MTCL2: variants seen among roughly 807,000 people sequenced by gnomAD.
The protein encoded by MTCL2 is microtubule cross-linking factor 2.
At chr20:36,786,654 A>C in the MTCL2 span, 1 of 1,544,350 alleles carries the variant, frequency 6.5e-7, no homozygotes, top group Non-Finnish European at 8.7e-7. Context: ...AGAGGGAGGC[A>C]GGGAGGCAGG....
At chr20:36,812,616 C>T in the MTCL2 span, 2 of 1,528,600 alleles carry the variant, frequency 1.3e-6, no homozygotes, top group Non-Finnish European at 1.8e-6. Context: ...TCCTCACCAG[C>T]TAAGTGATAT....
the MTCL2 span, chr20:36,781,033 G>A: frequency 6.6e-6 from 1 of 152,152 alleles, no homozygotes; most frequent in Non-Finnish European, 1.5e-5. Context: ...GCATGATTAT[G>A]GGAATTACAC....
the MTCL2 span, chr20:36,829,135 C>T: frequency 3.1e-6 from 5 of 1,596,584 alleles, no homozygotes; most frequent in East Asian, 9.1e-5. Context: ...GCTCTTCGTT[C>T]TCCTCCTCCA....
chr20:36,862,647 G>A, the MTCL2 span: 10 of 1,491,548 alleles, frequency 6.7e-6, no homozygotes, highest in Non-Finnish European at 8.9e-6. Context: ...TTTCTACCCG[G>A]GCGCCCCCAC....
chr20:36,859,720 G>A, the MTCL2 span: 1 of 1,231,760 alleles, frequency 8.1e-7, no homozygotes, highest in Non-Finnish European at 1.0e-6. Context: ...CTACAAGGGG[G>A]AGGTAAGCCT....
At chr20:36,832,268 A>G in the MTCL2 span, among the ~76,000 whole-genome samples, 1 of 152,138 alleles carries the variant, frequency 6.6e-6, no homozygotes. Flanking sequence ...GGCTGGGGTG[A>G]GGGCTCCTCT....
the MTCL2 span, among the ~76,000 whole-genome samples, chr20:36,852,625 G>A: frequency 6.6e-6 from 1 of 152,194 alleles, no homozygotes; most frequent in Non-Finnish European, 1.5e-5. Context: ...AAGGACAGGG[G>A]ACAATCCCAC....
chr20:36,858,992 C>T, the MTCL2 span, among the ~76,000 whole-genome samples: 1 of 152,112 alleles, frequency 6.6e-6, no homozygotes, highest in African/African-American at 2.4e-5. Flanking sequence ...GGTTTCGCCA[C>T]GTTGGCCAGA....
the MTCL2 span, chr20:36,839,074 C>G: frequency 1.4e-6 from 1 of 696,914 alleles, no homozygotes; most frequent in Non-Finnish European, 2.4e-6. The surrounding 1 kb of genome is among the most constrained non-coding windows in gnomAD (Gnocchi z 5.1). Flanking sequence ...ACCAGGAATT[C>G]CTACTTAGAT....
the MTCL2 span, among the ~76,000 whole-genome samples, chr20:36,841,871 TGGG>T: frequency 1.9e-5 from 2 of 105,686 alleles, no homozygotes; most frequent in African/African-American, 7.3e-5. Context: ...GGGTGGGGGG[TGGG>T]GTGTGTGTGT....
chr20:36,797,454 T>C, the MTCL2 span: 30 of 1,543,176 alleles, frequency 1.9e-5, no homozygotes, highest in Non-Finnish European at 2.5e-5. Flanking sequence ...GGGACCTTTA[T>C]GGTGCAGCCA....
the MTCL2 span, chr20:36,863,179 G>A: frequency 1.6e-6 from 2 of 1,269,288 alleles, no homozygotes; most frequent in African/African-American, 1.6e-5. The surrounding 1 kb of genome is among the most constrained non-coding windows in gnomAD (Gnocchi z 6.2). Context: ...GCTGAGCCCG[G>A]GCCTGGGCCG....
chr20:36,846,464 C>A, the MTCL2 span, among the ~76,000 whole-genome samples: 465 of 152,304 alleles, frequency 3.1e-3, 1 homozygote, highest in African/African-American at 0.011. Context: ...GACCAGGGCA[C>A]CCACACTGCT....
chr20:36,830,346 G>A, the MTCL2 span, among the ~76,000 whole-genome samples: 3 of 152,072 alleles, frequency 2.0e-5, no homozygotes, highest in African/African-American at 7.2e-5. Context: ...CAGGGGGATC[G>A]CTTGAGCCCA....
chr20:36,791,475 G>A, the MTCL2 span, among the ~76,000 whole-genome samples: 22 of 152,114 alleles, frequency 1.4e-4, no homozygotes, highest in Admixed American at 6.6e-5. Flanking sequence ...CCACCTAAAC[G>A]TACAATAATA....
the MTCL2 span, among the ~76,000 whole-genome samples, chr20:36,861,709 A>G: frequency 6.6e-6 from 1 of 152,130 alleles, no homozygotes; most frequent in Non-Finnish European, 1.5e-5. Flanking sequence ...AGGAGAGCTC[A>G]GGAAGCTTCC....
the MTCL2 span, chr20:36,808,479 A>T: frequency 4.5e-6 from 7 of 1,546,320 alleles, no homozygotes; most frequent in East Asian, 1.2e-4. Flanking sequence ...TCCCCAGCCC[A>T]CACTCCCAGT....
the MTCL2 span, among the ~76,000 whole-genome samples, chr20:36,851,033 G>A: frequency 9.9e-5 from 15 of 152,242 alleles, no homozygotes; most frequent in Middle Eastern, 3.4e-3. Flanking sequence ...AAACAGTCCC[G>A]GTGGTTGTCA....
the MTCL2 span, among the ~76,000 whole-genome samples, chr20:36,861,613 C>G: frequency 6.6e-6 from 1 of 152,218 alleles, no homozygotes; most frequent in African/African-American, 2.4e-5. Context: ...CAGCCAGGGG[C>G]ACTCTGGGTG....
Sources: gnomAD v4.1 joint callset for allele counts (sites outside exome capture counted in the v4.1 genomes callset) on GRCh38, gnomAD v4.1.1 for gene constraint, Gnocchi (gnomAD v3.1) non-coding constraint, MANE v1.5 for transcripts, NCBI Gene and HGNC (gene_info 2026-07-23, HGNC 2026-07-21) for gene names.